MYT1L: variants seen among roughly 807,000 people sequenced by gnomAD.
The protein encoded by MYT1L is myelin transcription factor 1 like, also known as myelin transcription factor 1-like protein.
In MYT1L, 12 loss-of-function variants were observed where a neutral mutation model predicts 126.7. The ratio of observed to expected loss-of-function variants is 0.09; its 90% confidence interval spans 0.06 to 0.15. The LOEUF is 0.15. MYT1L is among the 10% of genes least tolerant of loss of function. The pLI, the probability that MYT1L is intolerant of heterozygous loss-of-function variation, is 1.00. For missense variants in MYT1L, 979 were observed against 1,585.2 expected, an observed-to-expected ratio of 0.62 and a Z score of 6.49; for synonymous variants, 541 against 604.2, an observed-to-expected ratio of 0.90 and a Z score of 1.53.
At chr2:1,865,849 C>T (rs940374090) in intron 18 of MYT1L, among the ~76,000 whole-genome samples, 5 of 152,190 alleles carry the variant, frequency 3.3e-5, no homozygotes, top group East Asian at 1.9e-4. Context: ...TTCCTCCACA[C>T]GCTGCCTGCT....
chr2:2,031,592 G>C (rs191497240), intron 4 of MYT1L, among the ~76,000 whole-genome samples: 35 of 137,518 alleles, frequency 2.5e-4, no homozygotes, highest in Middle Eastern at 4.9e-3. Flanking sequence ...CCCCTCGCCA[G>C]TGCCTCTCAT....
chr2:2,240,082 G>A (rs1302116833), intron 2 of MYT1L, among the ~76,000 whole-genome samples: 4 of 152,128 alleles, frequency 2.6e-5, no homozygotes, highest in East Asian at 3.9e-4. Flanking sequence ...CAGATCACCT[G>A]AGGTCAGGAG....
intron 2 of MYT1L, among the ~76,000 whole-genome samples, chr2:2,244,383 AAT>A (rs1371542366): frequency 1.3e-5 from 2 of 152,208 alleles, no homozygotes; most frequent in Non-Finnish European, 2.9e-5. Flanking sequence ...ATAAATAAAA[AAT>A]GATAAAAGTG....
At chr2:2,217,813 T>G (rs1357310867) in intron 2 of MYT1L, among the ~76,000 whole-genome samples, 1 of 152,070 alleles carries the variant, frequency 6.6e-6, no homozygotes, top group Non-Finnish European at 1.5e-5. Flanking sequence ...ATTTCTGATT[T>G]GTAAATCACA....
intron 18 of MYT1L, among the ~76,000 whole-genome samples, chr2:1,872,006 C>T (rs1052637680): frequency 1.3e-5 from 2 of 152,152 alleles, no homozygotes; most frequent in African/African-American, 4.8e-5. Context: ...TGGAGCACCT[C>T]GCATTGTACT....
intron 3 of MYT1L, among the ~76,000 whole-genome samples, chr2:2,155,312 G>A (rs2086547549): frequency 6.6e-6 from 1 of 152,180 alleles, no homozygotes; most frequent in African/African-American, 2.4e-5. Flanking sequence ...ATGGGACTCA[G>A]GGAAACGAGA....
chr2:2,003,974 C>T lies in MYT1L; in HGVS notation c.-157-6627G>A, dbSNP rs573144851. On this transcript the variant is annotated intron_variant, in intron 4 of 24. Transcript: ENST00000647738. The stretch of plus-strand genomic sequence containing the variant: ...TCCTGCATGCGTTCTTTCCTGCAGG[C>T]ATTCTTTCCTGCAAGCGTTCTTTCC... Among the ~76,000 whole-genome samples the T allele has an allele frequency of 1.5e-4, 23 of 150,288 alleles. 2 individuals are homozygous for T. The highest frequency in any genetic ancestry group is 5.0e-4 in the African/African-American group (20 of 40,256).
At chr2:1,840,668 C>G (rs1361197588) in intron 20 of MYT1L, 92 bp downstream of exon 20, 2 of 955,786 alleles carry the variant, frequency 2.1e-6, no homozygotes, top group African/African-American at 3.3e-5. Flanking sequence ...CCCGCTGTCT[C>G]TTTTTCTTGT....
intron 5 of MYT1L, among the ~76,000 whole-genome samples, chr2:1,984,357 G>A (rs1369146115): frequency 6.6e-6 from 1 of 152,004 alleles, no homozygotes; most frequent in Non-Finnish European, 1.5e-5. Context: ...CACCATGCCT[G>A]GCTAATCTTT....
intron 2 of MYT1L, among the ~76,000 whole-genome samples, chr2:2,179,707 T>G (rs1242192245): frequency 6.6e-6 from 1 of 152,226 alleles, no homozygotes; most frequent in East Asian, 1.9e-4. Context: ...CACTGTAGCC[T>G]GGTTCCTAGG....
intron 23 of MYT1L, among the ~76,000 whole-genome samples, chr2:1,797,276 G>C (rs1476504351): frequency 6.6e-6 from 1 of 151,866 alleles, no homozygotes; most frequent in Non-Finnish European, 1.5e-5. Flanking sequence ...TTCTTTTCCC[G>C]CCCATGGCGC....
At chr2:2,231,776 A>G (rs2149066517) in intron 2 of MYT1L, among the ~76,000 whole-genome samples, 1 of 152,296 alleles carries the variant, frequency 6.6e-6, no homozygotes, top group South Asian at 2.1e-4. Context: ...ATATATAAAA[A>G]AAGCATGGAA....
intron 2 of MYT1L, among the ~76,000 whole-genome samples, chr2:2,202,215 G>A (rs1427511400): frequency 6.6e-6 from 1 of 152,040 alleles, no homozygotes; most frequent in Non-Finnish European, 1.5e-5. Context: ...AAAAGAACTA[G>A]AGAAGCAAGA....
At chr2:1,909,739 C>T (rs1362781910) in intron 13 of MYT1L, among the ~76,000 whole-genome samples, 1 of 152,158 alleles carries the variant, frequency 6.6e-6, no homozygotes, top group African/African-American at 2.4e-5. Context: ...CTACTCCCAC[C>T]TACACCTCAG....
intron 3 of MYT1L, among the ~76,000 whole-genome samples, chr2:2,124,139 C>T (rs771915940): frequency 9.9e-5 from 15 of 152,202 alleles, no homozygotes; most frequent in Non-Finnish European, 1.9e-4. Flanking sequence ...GCCACCCACT[C>T]GCTTTTGGGT....
chr2:2,249,352 G>A (rs2149205136), intron 2 of MYT1L, among the ~76,000 whole-genome samples: 1 of 151,842 alleles, frequency 6.6e-6, no homozygotes, highest in South Asian at 2.1e-4. Flanking sequence ...CCATGAAATA[G>A]CAATGAAATA....
chr2:1,995,664 G>A (rs1410763714), intron 5 of MYT1L, among the ~76,000 whole-genome samples: 3 of 152,166 alleles, frequency 2.0e-5, no homozygotes, highest in African/African-American at 4.8e-5. Context: ...AGGCCCTCCC[G>A]TGTGGGTTCG....
chr2:2,112,078 C>A (rs1193826568), intron 3 of MYT1L, among the ~76,000 whole-genome samples: 2 of 152,218 alleles, frequency 1.3e-5, no homozygotes, highest in South Asian at 2.1e-4. Context: ...AAGGAATGAG[C>A]GAGATGAGCC....
intron 2 of MYT1L, among the ~76,000 whole-genome samples, chr2:2,236,793 CTTCTTCTTCTTCTTCTTCT>C (rs1254316623): frequency 6.3e-5 from 1 of 15,974 alleles, no homozygotes; most frequent in Non-Finnish European, 9.6e-5. Context: ...TCTTCTTCTT[CTTCTTCTTCTTCTTCTTCT>C]TCTTTTTTTT....
Sources: gnomAD v4.1 joint callset for allele counts (sites outside exome capture counted in the v4.1 genomes callset) on GRCh38, gnomAD v4.1.1 for gene constraint, MANE v1.5 for transcripts, NCBI Gene and HGNC (gene_info 2026-07-23, HGNC 2026-07-21) for gene names.